ZC3H18: variants seen among roughly 807,000 people sequenced by gnomAD.
The protein encoded by ZC3H18 is zinc finger CCCH domain-containing protein 18.
A neutral mutation model predicts 106.1 loss-of-function variants in ZC3H18; 8 were observed. The ratio of observed to expected loss-of-function variants is 0.08; its 90% CI spans 0.04 to 0.14. The LOEUF (loss-of-function observed/expected upper bound fraction) is 0.14. Among genes scored for constraint, ZC3H18 ranks in the 10% least tolerant of loss-of-function variants. ZC3H18 has a pLI of 1.00. For synonymous variants in ZC3H18, 635 were observed against 522.1 expected (o/e 1.22, Z -2.95); for missense variants, 1,318 against 1,278.4 (o/e 1.03, Z -0.47).
At chr16:88,595,940 A>T (rs1300423334) in intron 3 of ZC3H18, among the ~76,000 whole-genome samples, 2 of 152,236 alleles carry the variant, frequency 1.3e-5, no homozygotes, top group Non-Finnish European at 2.9e-5. Flanking sequence ...ACATTTTAAA[A>T]AGATAGATGG....
intron 6 of ZC3H18, among the ~76,000 whole-genome samples, chr16:88,602,987 C>T (rs574464141): frequency 1.2e-4 from 18 of 149,460 alleles, no homozygotes; most frequent in Non-Finnish European, 1.8e-4. Context: ...TTTTTTGAGA[C>T]GGAGTCTCGC....
chr16:88,586,091 T>G (rs915213763), intron 2 of ZC3H18, among the ~76,000 whole-genome samples: 2 of 152,090 alleles, frequency 1.3e-5, no homozygotes, highest in African/African-American at 4.8e-5. Context: ...TGGGTTGTTC[T>G]AAGACTTGAC....
chr16:88,599,934 T>C lies in ZC3H18; in HGVS notation c.1074T>C (p.Asp358=). 2.5e-6 allele frequency: 4 copies of C among 1,614,100 alleles called. No individual in the cohort carries two copies. The South Asian group carries it at 3.3e-5, about 13-fold the overall frequency. ...FRDWNSRIPR[D]VRDTVLEPYA... Reference sequence around the variant, plus strand: ...ATTGGAATTCTCGGATCCCGAGAGATGTCAGAGACACAGTGTAAGGAATGG... The same window carrying C: ...ATTGGAATTCTCGGATCCCGAGAGACGTCAGAGACACAGTGTAAGGAATGG... Residue 358 remains aspartate (D), a synonymous_variant, in exon 6 of 18, where the codon GAT becomes GAC. Coordinates refer to ENST00000301011, the MANE Select transcript of ZC3H18 (RefSeq NM_144604.4).
In ZC3H18 at chr16:88,611,368, G is replaced by A. The variant is rs775237259; in HGVS notation, c.1307G>A (p.Arg436Gln). The change falls in exon 8 of 18, where the codon CGA (arginine) becomes CAA (glutamine). Residue 436 changes from arginine to glutamine, a missense_variant. Physicochemically the swap from Arg to Gln is conservative, Grantham distance 43. Transcript: ENST00000301011. ...ERERRQRERE[R>Q]ERERERDKER... The stretch of plus-strand genomic sequence containing the variant: ...GAGCGCCGGCAGAGGGAGCGCGAGC[G>A]AGAGCGGGAGCGCGAGCGCGACAAG... 2 of 992,752 alleles carry A rather than the reference G, an allele frequency of 2.0e-6. No individual in the cohort carries two copies. The highest frequency in any genetic ancestry group is 2.0e-5 in the Admixed American group (1 of 50,246). 61.5% of individuals were successfully genotyped at this position (992,752 alleles called of 1,614,324 possible). A position where few individuals can be genotyped will look rare whatever the true frequency, so the allele number is the denominator to read the frequency against.
intron 8 of ZC3H18, among the ~76,000 whole-genome samples, chr16:88,613,628 A>G (rs373324606): frequency 5.9e-5 from 9 of 152,090 alleles, no homozygotes; most frequent in East Asian, 3.9e-4. Flanking sequence ...CTTATCAACC[A>G]TTTGTATATC....
intron 7 of ZC3H18, among the ~76,000 whole-genome samples, chr16:88,609,953 CA>C (rs1458467177): frequency 6.6e-6 from 1 of 152,080 alleles, no homozygotes; most frequent in Non-Finnish European, 1.5e-5. Flanking sequence ...TGCCTGTGTC[CA>C]GGGGTGCCTG....
intron 5 of ZC3H18, 128 bp from the exon 6 acceptor site, chr16:88,599,663 C>A: frequency 2.7e-6 from 3 of 1,124,476 alleles, no homozygotes; most frequent in East Asian, 4.8e-5. Flanking sequence ...ACCCCTTGAG[C>A]ACTTGCAGCG....
chr16:88,592,112 T>C (rs1915792226), intron 3 of ZC3H18, among the ~76,000 whole-genome samples: 2 of 152,372 alleles, frequency 1.3e-5, no homozygotes, highest in South Asian at 4.1e-4. Flanking sequence ...TCTTCCACAG[T>C]GGCTGTGCCA....
chr16:88,625,489 T>G (rs1906247058), intron 13 of ZC3H18: 2 of 586,468 alleles, frequency 3.4e-6, no homozygotes, highest in East Asian at 3.0e-5. Flanking sequence ...CAAAAAAAGA[T>G]TCACAAACTC....
At chr16:88,584,474 C>G (rs959489100) in intron 2 of ZC3H18, among the ~76,000 whole-genome samples, 1 of 150,874 alleles carries the variant, frequency 6.6e-6, no homozygotes, top group Non-Finnish European at 1.5e-5. Flanking sequence ...GACCATTGTG[C>G]TAAATGGTGG....
chr16:88,570,805 G>A (rs919908664), intron 1 of ZC3H18, among the ~76,000 whole-genome samples: 1 of 152,110 alleles, frequency 6.6e-6, no homozygotes, highest in Non-Finnish European at 1.5e-5. Context: ...CTGGGCGCCC[G>A]AGCTCCTCGC....
intron 2 of ZC3H18, among the ~76,000 whole-genome samples, chr16:88,579,445 C>T (rs540078749): frequency 6.6e-6 from 1 of 152,220 alleles, no homozygotes; most frequent in African/African-American, 2.4e-5. Context: ...ACCCTCAAGT[C>T]TTGGGGGAGA....
At chr16:88,590,459 T>TA (rs1225774105) in intron 3 of ZC3H18, among the ~76,000 whole-genome samples, 4 of 152,176 alleles carry the variant, frequency 2.6e-5, no homozygotes, top group Admixed American at 1.3e-4. Flanking sequence ...GGGATGTTTT[T>TA]ATCTCTCGTG....
At chr16:88,605,923 C>G (rs1025045701) in intron 6 of ZC3H18, among the ~76,000 whole-genome samples, 1 of 152,256 alleles carries the variant, frequency 6.6e-6, no homozygotes, top group Non-Finnish European at 1.5e-5. Flanking sequence ...AGTAGGTCCA[C>G]TCCACGTGCC....
intron 5 of ZC3H18, 50 bp downstream of exon 5, chr16:88,598,762 G>A: frequency 6.5e-7 from 1 of 1,546,396 alleles, no homozygotes; most frequent in African/African-American, 1.4e-5. Flanking sequence ...TATTACAGGA[G>A]TGGTTCTTGA....
Position 88,612,346 on chromosome 16 carries a change from A to T in ZC3H18, c.1475+810A>T, listed in dbSNP as rs546648333. On this transcript the variant is annotated intron_variant, in intron 8 of 17. Transcript: ENST00000301011. ...ATATTCACAGAGTTGTGCAGCCATC[A>T]TCGCAATCAACATGAGAGCACTTTT... Among the ~76,000 whole-genome samples the T allele has an allele frequency of 6.6e-5, 10 of 152,212 alleles. No individual in the cohort carries two copies. The East Asian group carries it at 1.4e-3, about 21-fold the overall frequency.
At chr16:88,628,937 T>G (rs183913058) in intron 16 of ZC3H18, 83 bp downstream of exon 16, 1 of 1,374,994 alleles carries the variant, frequency 7.3e-7, no homozygotes, top group African/African-American at 1.4e-5. Flanking sequence ...ACCCCATTGC[T>G]CTTAACAAGT....
At chr16:88,601,951 T>C (rs762613931) in intron 6 of ZC3H18, among the ~76,000 whole-genome samples, 4 of 152,062 alleles carry the variant, frequency 2.6e-5, no homozygotes, top group Non-Finnish European at 5.9e-5. Flanking sequence ...CCTATGATTG[T>C]CACAAAGAGC....
chr16:88,583,735 TCA>T (rs1915274159), intron 2 of ZC3H18, among the ~76,000 whole-genome samples: 1 of 152,240 alleles, frequency 6.6e-6, no homozygotes, highest in African/African-American at 2.4e-5. Flanking sequence ...GTGTGTCTCC[TCA>T]CACTCACCCT....
Sources: gnomAD v4.1 joint callset for allele counts (sites outside exome capture counted in the v4.1 genomes callset) on GRCh38, gnomAD v4.1.1 for gene constraint, MANE v1.5 for transcripts, NCBI Gene and HGNC (gene_info 2026-07-23, HGNC 2026-07-21) for gene names.